Variants in GPC5 observed in about 807,000 individuals in gnomAD.
The protein encoded by GPC5 is glypican-5.
A neutral mutation model predicts 53.9 loss-of-function variants in GPC5; 47 were observed. The ratio of observed to expected loss-of-function variants is 0.87; its 90% CI spans 0.69 to 1.11. The LOEUF (loss-of-function observed/expected upper bound fraction) is 1.11, where lower values mean the gene tolerates loss of function less well. Ranked by LOEUF, GPC5 falls within the 50% of genes most tolerant of loss-of-function variation. The pLI is 0.00. For synonymous variants in GPC5, 286 were observed against 263.3 expected (o/e 1.09, Z -0.84); for missense variants, 748 against 713.1 (o/e 1.05, Z -0.56).
intron 7 of GPC5, among the ~76,000 whole-genome samples, chr13:92,460,038 AAGG>A (rs1266414285): frequency 6.6e-6 from 1 of 152,106 alleles, no homozygotes; most frequent in Non-Finnish European, 1.5e-5. Context: ...TAAGTCCTTC[AAGG>A]AGAAGTATTG....
intron 5 of GPC5, among the ~76,000 whole-genome samples, chr13:91,829,721 A>G (rs1161953045): frequency 3.9e-5 from 6 of 152,094 alleles, no homozygotes; most frequent in Non-Finnish European, 5.9e-5. Flanking sequence ...TACAAAAGAG[A>G]GAAATTTTAA....
intron 6 of GPC5, among the ~76,000 whole-genome samples, chr13:92,133,697 A>G (rs1338132311): frequency 6.6e-6 from 1 of 152,172 alleles, no homozygotes; most frequent in Non-Finnish European, 1.5e-5. Flanking sequence ...TAAATGGTTA[A>G]AAGACAATGA....
intron 7 of GPC5, among the ~76,000 whole-genome samples, chr13:92,472,758 G>A (rs1029839029): frequency 3.3e-5 from 5 of 152,038 alleles, no homozygotes; most frequent in African/African-American, 1.2e-4. Flanking sequence ...CATCGACTCA[G>A]TATTAATTTT....
chr13:92,620,261 A>G (rs1254486000), intron 7 of GPC5, among the ~76,000 whole-genome samples: 2 of 152,184 alleles, frequency 1.3e-5, no homozygotes, highest in Non-Finnish European at 2.9e-5. Context: ...AATATCTAAT[A>G]CAAAGAAAAG....
chr13:92,710,662 C>T (rs1254991056), intron 7 of GPC5, among the ~76,000 whole-genome samples: 1 of 152,102 alleles, frequency 6.6e-6, no homozygotes, highest in Non-Finnish European at 1.5e-5. Flanking sequence ...ACTTATTTTC[C>T]AGAATTCCCC....
At chr13:92,435,532 G>T (rs1594200454) in intron 7 of GPC5, among the ~76,000 whole-genome samples, 2 of 152,192 alleles carry the variant, frequency 1.3e-5, no homozygotes, top group Middle Eastern at 3.4e-3. Context: ...AATTTAAAAA[G>T]GTACTGACAT....
chr13:91,853,990 A>C (rs2038940721), intron 5 of GPC5, among the ~76,000 whole-genome samples: 1 of 151,666 alleles, frequency 6.6e-6, no homozygotes, highest in Admixed American at 6.6e-5. Flanking sequence ...TTCCAATTTC[A>C]CTATGGTTAT....
intron 1 of GPC5, among the ~76,000 whole-genome samples, chr13:91,440,716 T>G (rs1368711834): frequency 6.6e-6 from 1 of 152,216 alleles, no homozygotes; most frequent in Non-Finnish European, 1.5e-5. Context: ...TGTATTCCTT[T>G]TTAGAGTTTT....
intron 6 of GPC5, among the ~76,000 whole-genome samples, chr13:91,942,780 G>T (rs1467273257): frequency 6.6e-6 from 1 of 152,026 alleles, no homozygotes; most frequent in African/African-American, 2.4e-5. Context: ...GGTGCCTTTT[G>T]TCAAATTGTT....
chr13:92,860,721 GTCAGTTTCC>G (rs1409301772), intron 7 of GPC5, among the ~76,000 whole-genome samples: 1 of 152,056 alleles, frequency 6.6e-6, no homozygotes, highest in East Asian at 1.9e-4. Flanking sequence ...TATTTGTCAA[GTCAGTTTCC>G]TCATAATGAA....
At chr13:91,630,248 A>G (rs1040989555) in intron 2 of GPC5, among the ~76,000 whole-genome samples, 15 of 152,186 alleles carry the variant, frequency 9.9e-5, no homozygotes, top group African/African-American at 3.6e-4. Flanking sequence ...AGATTTTAAG[A>G]TAACAGTAAA....
At chr13:92,061,138 A>T (rs2041119854) in intron 6 of GPC5, among the ~76,000 whole-genome samples, 1 of 152,044 alleles carries the variant, frequency 6.6e-6, no homozygotes, top group Admixed American at 6.6e-5. Context: ...AAAATGGCAG[A>T]ACCTATTGCT....
At chr13:92,346,615 C>T (rs1259803039) in intron 7 of GPC5, among the ~76,000 whole-genome samples, 1 of 152,130 alleles carries the variant, frequency 6.6e-6, no homozygotes, top group Admixed American at 6.5e-5. Flanking sequence ...TCCTCAAATT[C>T]ACAGAAAACA....
At chr13:92,620,146 T>C (rs1159681255) in intron 7 of GPC5, among the ~76,000 whole-genome samples, 4 of 152,132 alleles carry the variant, frequency 2.6e-5, no homozygotes, top group African/African-American at 9.7e-5. Flanking sequence ...TTTAAATGCA[T>C]GTATACTTTT....
intron 2 of GPC5, among the ~76,000 whole-genome samples, chr13:91,633,542 T>A (rs1206087974): frequency 6.6e-6 from 1 of 152,202 alleles, no homozygotes; most frequent in Non-Finnish European, 1.5e-5. Context: ...GGTGTCAAAC[T>A]AATTTTAAAT....
At chr13:91,589,915 T>C (rs2032734709) in intron 2 of GPC5, among the ~76,000 whole-genome samples, 1 of 152,170 alleles carries the variant, frequency 6.6e-6, no homozygotes, top group Non-Finnish European at 1.5e-5. Flanking sequence ...GGAGAAATTA[T>C]ATTAAATACT....
intron 7 of GPC5, among the ~76,000 whole-genome samples, chr13:92,740,747 A>C (rs1163874755): frequency 6.6e-6 from 1 of 151,896 alleles, no homozygotes; most frequent in Non-Finnish European, 1.5e-5. Context: ...GAACCAAGGT[A>C]GGAAAGTATT....
chr13:92,346,182 G>C (rs1471795399), intron 7 of GPC5, among the ~76,000 whole-genome samples: 2 of 152,104 alleles, frequency 1.3e-5, no homozygotes, highest in Non-Finnish European at 2.9e-5. Context: ...ATCTGAGTGA[G>C]AGGCAATCCT....
intron 7 of GPC5, among the ~76,000 whole-genome samples, chr13:92,597,439 A>AT (rs554623115): frequency 2.4e-4 from 36 of 152,268 alleles, no homozygotes; most frequent in African/African-American, 8.7e-4. Context: ...GTAAAATTGC[A>AT]TTTAAGTCTG....
Sources: gnomAD v4.1 joint callset for allele counts (sites outside exome capture counted in the v4.1 genomes callset) on GRCh38, gnomAD v4.1.1 for gene constraint, MANE v1.5 for transcripts, NCBI Gene and HGNC (gene_info 2026-07-23, HGNC 2026-07-21) for gene names.